Variants in EFHD1 observed in about 807,000 individuals in gnomAD.
The protein encoded by EFHD1 is EF-hand domain-containing protein D1.
Under a neutral mutation model 17.2 loss-of-function variants are expected in EFHD1, and 10 were observed. The observed-to-expected ratio is 0.58, with a 90% CI of 0.36 to 0.99. EFHD1 has a LOEUF of 0.99. EFHD1 is among the 50% of genes least tolerant of loss of function. The pLI is 0.01. For missense variants in EFHD1, 310 were observed against 327.5 expected, an observed-to-expected ratio of 0.95 and a Z score of 0.41; for synonymous variants, 153 against 142.0, an observed-to-expected ratio of 1.08 and a Z score of -0.55.
In EFHD1 at chr2:232,617,083, C is replaced by T. The variant is rs377318967; in HGVS notation, c.14+10910C>T. On this transcript the variant is annotated intron_variant, in intron 1 of 3. Transcript: ENST00000409613. ...GACCTGAGCTGGGATGGCCCAAGGACGGGCTCTTCGGGGCCCATTGACTGG... is the reference window on the plus strand; with the variant it reads ...GACCTGAGCTGGGATGGCCCAAGGATGGGCTCTTCGGGGCCCATTGACTGG... 5.3e-4 allele frequency among the ~76,000 whole-genome samples: 81 copies of T among 152,316 alleles called. No individual in the cohort carries two copies. The East Asian group carries it at 7.3e-3, about 14-fold the overall frequency.
upstream of EFHD1, among the ~76,000 whole-genome samples, chr2:232,631,425 C>T (rs921138711): frequency 2.0e-5 from 3 of 151,874 alleles, no homozygotes; most frequent in Non-Finnish European, 2.9e-5. Flanking sequence ...GCTGGGACTA[C>T]AGGTGCATAC....
chr2:232,655,196 C>CT (rs1216990637), intron 1 of EFHD1, among the ~76,000 whole-genome samples: 1 of 152,110 alleles, frequency 6.6e-6, no homozygotes, highest in Non-Finnish European at 1.5e-5. Context: ...TCATGTTTTT[C>CT]TTTTTTAAGA....
chr2:232,672,392 C>T lies in EFHD1; in HGVS notation c.534C>T (p.Ile178=), dbSNP rs546425742. The change falls in exon 3 of 4, where the codon ATC becomes ATT. Residue 178 remains isoleucine, a synonymous_variant. Coordinates refer to ENST00000264059, the MANE Select transcript of EFHD1 (RefSeq NM_025202.4). Reference sequence around the variant, plus strand: ...TGGCGCTGGCAAAGCTTTCTGAGATCGATGTGGCCCTGGAGGGTGTCAAAG... The same window carrying T: ...TGGCGCTGGCAAAGCTTTCTGAGATTGATGTGGCCCTGGAGGGTGTCAAAG... The part of the protein sequence containing the change: ...GLMALAKLSE[I]DVALEGVKGA... 1.5e-5 allele frequency: 24 copies of T among 1,613,828 alleles called. No individual in the cohort carries two copies. The highest frequency in any genetic ancestry group is 6.7e-5 in the East Asian group (3 of 44,872).
intron 1 of EFHD1, among the ~76,000 whole-genome samples, chr2:232,646,436 C>CT (rs71398729): frequency 0.26 from 17,156 of 67,218 alleles, 5,491 homozygotes; most frequent in Non-Finnish European, 0.35. Context: ...CTCTTCTCTT[C>CT]TTTTTTTTTT....
intron 1 of EFHD1, among the ~76,000 whole-genome samples, chr2:232,619,184 TAAATAAACAAAC>T (rs1330334227): frequency 2.3e-5 from 3 of 132,968 alleles, no homozygotes; most frequent in Non-Finnish European, 3.2e-5. Context: ...AATAAATAAA[TAAATAAACAAAC>T]AAACAAACAA....
chr2:232,626,831 C>T (rs1369352723), intron 1 of EFHD1, among the ~76,000 whole-genome samples: 1 of 151,990 alleles, frequency 6.6e-6, no homozygotes, highest in African/African-American at 2.4e-5. Flanking sequence ...GAGCCTGTCA[C>T]TTCAAGGTAA....
At chr2:232,614,655 CTT>C (rs935964825) in intron 1 of EFHD1, among the ~76,000 whole-genome samples, 1 of 152,104 alleles carries the variant, frequency 6.6e-6, no homozygotes, top group African/African-American at 2.4e-5. Flanking sequence ...GCTGAGTGGT[CTT>C]TTAAAATGTT....
chr2:232,679,071 GAAAAA>G (rs1027569290), intron 3 of EFHD1, among the ~76,000 whole-genome samples: 10 of 150,718 alleles, frequency 6.6e-5, no homozygotes. Context: ...TGACAGGAAA[GAAAAA>G]AAAAGTGAAA....
intron 1 of EFHD1, among the ~76,000 whole-genome samples, chr2:232,636,609 A>T (rs556141025): frequency 1.3e-5 from 2 of 152,172 alleles, no homozygotes; most frequent in Admixed American, 6.5e-5. Context: ...GCGGATCATG[A>T]GGTCAGGAGT....
Position 232,634,872 on chromosome 2 carries a change from C to T in EFHD1, c.302+866C>T, listed in dbSNP as rs538280910. Among the ~76,000 whole-genome samples the T allele has an allele frequency of 4.6e-5, 7 of 152,342 alleles. No homozygotes were observed. In the East Asian group the frequency reaches 1.4e-3, roughly 29 times the overall value. On this transcript the variant is annotated intron_variant, in intron 1 of 3. Transcript: ENST00000264059. Reference sequence around the variant, plus strand: ...GCTATTAATATTTCCAGAATTGAGCCGAGACCGGAAAAATGCCTGGGGGAG... The same window carrying T: ...GCTATTAATATTTCCAGAATTGAGCTGAGACCGGAAAAATGCCTGGGGGAG...
intron 1 of EFHD1, among the ~76,000 whole-genome samples, chr2:232,635,310 G>C (rs544222255): frequency 6.6e-6 from 1 of 152,360 alleles, no homozygotes; most frequent in East Asian, 1.9e-4. Context: ...GTTCCTCCCA[G>C]TCCAGCTGGA....
chr2:232,681,804 G>T lies in EFHD1; in HGVS notation c.*85G>T. ...ACTAGGCATCTTCATCACTGCTGTC[G>T]GTCCCCTCCCTGAGCCAGCATCTCC... On this transcript the variant is annotated 3_prime_UTR_variant, in exon 4 of 4. Coordinates refer to ENST00000264059, the MANE Select transcript of EFHD1 (RefSeq NM_025202.4). 4 of 1,513,788 alleles carry T rather than the reference G, an allele frequency of 2.6e-6. No individual in the cohort carries two copies. The highest frequency in any genetic ancestry group is 2.1e-4 in the Middle Eastern group (1 of 4,876). 93.8% of individuals were successfully genotyped at this position (1,513,788 alleles called of 1,614,324 possible).
At chr2:232,657,899 C>CTTTTTTTT (rs1194396166) in intron 1 of EFHD1, among the ~76,000 whole-genome samples, 9 of 100,658 alleles carry the variant, frequency 8.9e-5, no homozygotes, top group Admixed American at 1.3e-4. Context: ...TCTTTCTTTT[C>CTTTTTTTT]TTTTTTTTTT....
intron 1 of EFHD1, among the ~76,000 whole-genome samples, chr2:232,617,537 C>T (rs1693949135): frequency 6.6e-6 from 1 of 151,680 alleles, no homozygotes; most frequent in Non-Finnish European, 1.5e-5. Context: ...GCCTGTAGTC[C>T]CAGCTATTCG....
intron 3 of EFHD1, among the ~76,000 whole-genome samples, chr2:232,678,637 G>T (rs1256702018): frequency 6.6e-6 from 1 of 152,064 alleles, no homozygotes; most frequent in Non-Finnish European, 1.5e-5. Flanking sequence ...AACAAAATTA[G>T]CTGGGCGTGT....
intron 1 of EFHD1, among the ~76,000 whole-genome samples, chr2:232,609,043 A>G (rs1393952768): frequency 6.7e-6 from 1 of 148,290 alleles, no homozygotes; most frequent in African/African-American, 2.5e-5. Flanking sequence ...AAAACATGAG[A>G]TGCATAAGTT....
At chr2:232,681,138 A>G (rs1188301599) in intron 3 of EFHD1, among the ~76,000 whole-genome samples, 1 of 152,194 alleles carries the variant, frequency 6.6e-6, no homozygotes, top group Admixed American at 6.5e-5. Flanking sequence ...CCTGAGCGAC[A>G]GAGCGAGACT....
intron 1 of EFHD1, 62 bp from the exon 2 acceptor site, chr2:232,662,740 A>G (rs573173940): frequency 6.5e-7 from 1 of 1,543,016 alleles, no homozygotes; most frequent in Admixed American, 2.4e-5. Context: ...CAAAGGAATT[A>G]CATGTTTCGG....
chr2:232,677,581 G>T (rs1006646742), intron 3 of EFHD1, among the ~76,000 whole-genome samples: 1 of 152,070 alleles, frequency 6.6e-6, no homozygotes, highest in African/African-American at 2.4e-5. Context: ...ATATTAGCTG[G>T]GTATGGCGGT....
Sources: gnomAD v4.1 joint callset for allele counts (sites outside exome capture counted in the v4.1 genomes callset) on GRCh38, gnomAD v4.1.1 for gene constraint, MANE v1.5 for transcripts, NCBI Gene and HGNC (gene_info 2026-07-23, HGNC 2026-07-21) for gene names.